The following CEP85 variants were observed in gnomAD, a reference collection of about 807,000 sequenced individuals.
The protein encoded by CEP85 is centrosomal protein 85, also known as centrosomal protein of 85 kDa.
A neutral mutation model predicts 93.7 loss-of-function variants in CEP85; 58 were observed. The ratio of observed to expected loss-of-function variants is 0.62; its 90% CI spans 0.50 to 0.77. The LOEUF (loss-of-function observed/expected upper bound fraction) is 0.77. Among genes scored for constraint, CEP85 ranks in the 30% least tolerant of loss-of-function variants. The pLI is 0.00. For synonymous variants in CEP85, 314 were observed against 338.6 expected, an observed-to-expected ratio of 0.93 and a Z score of 0.80; for missense variants, 868 against 922.0, an observed-to-expected ratio of 0.94 and a Z score of 0.76.
intron 1 of CEP85, 122 bp from the exon 2 acceptor site, chr1:26,239,640 C>G: frequency 1.6e-6 from 1 of 637,988 alleles, no homozygotes; most frequent in Non-Finnish European, 2.8e-6. Context: ...GTGTGAGCCA[C>G]TGTGCCTGGC....
intron 12 of CEP85, among the ~76,000 whole-genome samples, chr1:26,276,034 C>T (rs11577098): frequency 0.16 from 24,800 of 152,238 alleles, 2,127 homozygotes; most frequent in Middle Eastern, 0.19. Context: ...CACCTAGTGG[C>T]TACTAGCTGT....
intron 7 of CEP85, chr1:26,263,197 G>A: frequency 3.5e-6 from 1 of 281,722 alleles, no homozygotes; most frequent in South Asian, 4.2e-5. Flanking sequence ...TGTGGTTGGT[G>A]CATAAAAATT....
At chr1:26,254,362 C>G (rs897231034) in intron 3 of CEP85, among the ~76,000 whole-genome samples, 1 of 151,282 alleles carries the variant, frequency 6.6e-6, no homozygotes, top group Non-Finnish European at 1.5e-5. Context: ...TAGGGCTAAT[C>G]AAGGGTTGTC....
rs369787269 is a variant in CEP85, at chr1:26,258,146, G to A, written c.1041G>A (p.Gln347=). ...LKEKELLIDK[Q]RKHISQLEQK... ...CTGATTCTACCGGCTTGTGCAGGCA[G>A]AGGAAACACATCTCTCAGCTGGAGC... The change falls in exon 6 of 14, where the codon CAG becomes CAA. Residue 347 remains glutamine (Q), a synonymous_variant. Transcript: ENST00000451429. 183 of 1,613,532 alleles carry A rather than the reference G, an allele frequency of 1.1e-4. No homozygotes were observed. In the Middle Eastern group the frequency reaches 1.2e-3, roughly 10 times the overall value.
chr1:26,238,099 AAGAGAATACTAT>A (rs2089355936), intron 1 of CEP85, among the ~76,000 whole-genome samples: 1 of 150,908 alleles, frequency 6.6e-6, no homozygotes, highest in Admixed American at 6.6e-5. Flanking sequence ...TCTTAGTAAC[AAGAGAATACTAT>A]AGAGGTCACT....
chr1:26,275,668 AGAC>A (rs1415787846), intron 12 of CEP85, among the ~76,000 whole-genome samples: 5 of 152,170 alleles, frequency 3.3e-5, no homozygotes, highest in Non-Finnish European at 2.9e-5. Flanking sequence ...GAGTTCAAGA[AGAC>A]TGAGGATTTG....
intron 2 of CEP85, among the ~76,000 whole-genome samples, chr1:26,241,243 A>ATTTTTTTTTTTTT (rs1433524136): frequency 0.024 from 1,492 of 61,380 alleles, 99 homozygotes; most frequent in African/African-American, 0.051. Context: ...CATTCAGCAG[A>ATTTTTTTTTTTTT]ATTTTTTTTT....
intron 1 of CEP85, 53 bp from the exon 2 acceptor site, chr1:26,239,709 C>A: frequency 9.2e-7 from 1 of 1,088,116 alleles, no homozygotes; most frequent in Non-Finnish European, 1.4e-6. Flanking sequence ...AACTGAGTTG[C>A]GGGGAATTAA....
chr1:26,248,174 GTGT>G lies in CEP85; in HGVS notation c.208+3857_208+3859del, dbSNP rs202074130. Reference sequence around the variant, plus strand: ...GTTATCAGATTCTGGTCTCCTGACTGTGTAATATTCTATCAATTGTGTAATCAA... The same window carrying G: ...GTTATCAGATTCTGGTCTCCTGACTGAATATTCTATCAATTGTGTAATCAA... On this transcript the variant is annotated intron_variant, in intron 3 of 13. Coordinates refer to ENST00000451429, the MANE Select transcript of CEP85 (RefSeq NM_001319944.2). Among the ~76,000 whole-genome samples the G allele has an allele frequency of 9.4e-3, 1,426 of 152,282 alleles. 18 individuals carry two copies. Among genetic ancestry groups the G allele is most frequent in the African/African-American group, 0.032 (1,323 of 41,546 alleles).
At chr1:26,262,759 T>G (rs2089831549) in intron 7 of CEP85, among the ~76,000 whole-genome samples, 1 of 152,222 alleles carries the variant, frequency 6.6e-6, no homozygotes, top group Non-Finnish European at 1.5e-5. Context: ...TCATCCATGT[T>G]GCTCAAATGT....
Position 26,246,634 on chromosome 1 carries a change from CAA to C in CEP85, c.208+2317_208+2318del, listed in dbSNP as rs999726533. The stretch of plus-strand genomic sequence containing the variant: ...CTGTAATCTACTCGGGAGGCTGAGA[CAA>C]GAGAATTGCTTGAACCCGGGAGGCA... On this transcript the variant is annotated intron_variant, in intron 3 of 13. Coordinates refer to ENST00000451429, the MANE Select transcript of CEP85 (RefSeq NM_001319944.2). Among the ~76,000 whole-genome samples the C allele has an allele frequency of 5.9e-5, 9 of 151,272 alleles. No individual in the cohort carries two copies. In the East Asian group the frequency reaches 9.7e-4, roughly 16 times the overall value.
At chr1:26,241,287 G>C (rs897063271) in intron 2 of CEP85, among the ~76,000 whole-genome samples, 1 of 125,722 alleles carries the variant, frequency 8.0e-6, no homozygotes, top group African/African-American at 3.1e-5. Flanking sequence ...CTGTCACCCA[G>C]GCTAGAGTGC....
intron 10 of CEP85, chr1:26,271,452 C>T (rs750282250): frequency 1.1e-5 from 2 of 184,448 alleles, no homozygotes; most frequent in Non-Finnish European, 2.3e-5. Context: ...AGAGTTCTAA[C>T]CAGTGAGGTG....
chr1:26,262,879 G>T (rs949590577), intron 7 of CEP85, among the ~76,000 whole-genome samples: 1 of 152,144 alleles, frequency 6.6e-6, no homozygotes, highest in Non-Finnish European at 1.5e-5. Context: ...TGGGATGATA[G>T]GCACATGCCA....
chr1:26,245,712 C>A (rs2089499466), intron 3 of CEP85, among the ~76,000 whole-genome samples: 1 of 152,070 alleles, frequency 6.6e-6, no homozygotes, highest in African/African-American at 2.4e-5. Context: ...TTCACTAAAG[C>A]CCTTAAGAAG....
chr1:26,244,594 A>G (rs111652211), intron 3 of CEP85, among the ~76,000 whole-genome samples: 24 of 152,222 alleles, frequency 1.6e-4, no homozygotes, highest in African/African-American at 5.3e-4. Context: ...TGGCATGATC[A>G]TAGCTCGCTG....
intron 8 of CEP85, 111 bp downstream of exon 8, chr1:26,268,746 C>T (rs2089929571): frequency 9.0e-7 from 1 of 1,110,234 alleles, no homozygotes; most frequent in African/African-American, 1.6e-5. Flanking sequence ...AAGGAGAATC[C>T]CAAAGCAGTC....
intron 4 of CEP85, 102 bp downstream of exon 4, chr1:26,255,967 AAAG>A: frequency 1.0e-6 from 1 of 1,001,216 alleles, no homozygotes; most frequent in Non-Finnish European, 1.4e-6. Flanking sequence ...ATAGCTGTAA[AAAG>A]AAGGAAGATG....
intron 3 of CEP85, among the ~76,000 whole-genome samples, chr1:26,244,850 G>A (rs1233474104): frequency 6.6e-6 from 1 of 151,990 alleles, no homozygotes; most frequent in Non-Finnish European, 1.5e-5. Flanking sequence ...TAGGTTAATT[G>A]GCCTCAAGTC....
Sources: gnomAD v4.1 joint callset for allele counts (sites outside exome capture counted in the v4.1 genomes callset) on GRCh38, gnomAD v4.1.1 for gene constraint, MANE v1.5 for transcripts, NCBI Gene and HGNC (gene_info 2026-07-23, HGNC 2026-07-21) for gene names.